ZCCHC7: variants seen among roughly 807,000 people sequenced by gnomAD.
ZCCHC7 encodes zinc finger CCHC-type containing 7, also known as zinc finger CCHC domain-containing protein 7.
ZCCHC7 carries 35 observed loss-of-function variants against 52.0 expected under a neutral mutation model. That is an observed-to-expected ratio of 0.67 (90% confidence interval 0.51 to 0.89). The LOEUF (loss-of-function observed/expected upper bound fraction) is 0.89. Among genes scored for constraint, ZCCHC7 ranks in the 40% least tolerant of loss-of-function variants. The pLI is 0.00. For missense variants in ZCCHC7, 574 were observed against 649.1 expected (o/e 0.88, Z 1.26); for synonymous variants, 217 against 221.5 (o/e 0.98, Z 0.18).
At chr9:37,349,475 C>T in intron 7 of ZCCHC7, 23 bp downstream of exon 7, 3 of 1,604,518 alleles carry the variant, frequency 1.9e-6, no homozygotes, top group Non-Finnish European at 2.6e-6. Flanking sequence ...GACATTTGGG[C>T]ATGAAGCATT....
chr9:37,243,686 C>T (rs1025976182), intron 2 of ZCCHC7, among the ~76,000 whole-genome samples: 6 of 151,856 alleles, frequency 4.0e-5, no homozygotes, highest in Admixed American at 3.9e-4. Context: ...AGTTAGCATG[C>T]TTTCTTTGCA....
intron 5 of ZCCHC7, among the ~76,000 whole-genome samples, chr9:37,320,878 G>A (rs1313153540): frequency 6.6e-6 from 1 of 151,894 alleles, no homozygotes; most frequent in Non-Finnish European, 1.5e-5. Flanking sequence ...GGAGTTTAAT[G>A]TAGTTAACTA....
At chr9:37,142,137 TAA>T (rs1408077993) in intron 2 of ZCCHC7, among the ~76,000 whole-genome samples, 1 of 151,716 alleles carries the variant, frequency 6.6e-6, no homozygotes, top group Non-Finnish European at 1.5e-5. Flanking sequence ...CATAAAATAA[TAA>T]AGAGATCCTT....
At chr9:37,164,773 C>T (rs1821327489) in intron 2 of ZCCHC7, among the ~76,000 whole-genome samples, 1 of 152,058 alleles carries the variant, frequency 6.6e-6, no homozygotes, top group African/African-American at 2.4e-5. Flanking sequence ...ACTCTGTGGT[C>T]CAGGCTGGTC....
intron 2 of ZCCHC7, among the ~76,000 whole-genome samples, chr9:37,169,020 T>A (rs549793203): frequency 1.2e-4 from 19 of 152,342 alleles, no homozygotes; most frequent in Admixed American, 5.2e-4. Flanking sequence ...CTGCCGTTTG[T>A]GTAGCAATTC....
At chr9:37,338,600 G>T (rs1473751140) in intron 6 of ZCCHC7, among the ~76,000 whole-genome samples, 1 of 152,060 alleles carries the variant, frequency 6.6e-6, no homozygotes, top group Non-Finnish European at 1.5e-5. Context: ...AGCAACACAC[G>T]TTATTCTGCA....
chr9:37,141,786 A>G (rs1843237045), intron 2 of ZCCHC7, among the ~76,000 whole-genome samples: 2 of 151,904 alleles, frequency 1.3e-5, no homozygotes, highest in African/African-American at 4.8e-5. Flanking sequence ...GCATATGAAC[A>G]TGCCTTTGAC....
At chr9:37,120,682 C>A in intron 1 of ZCCHC7, 59 bp downstream of exon 1, 1 of 379,642 alleles carries the variant, frequency 2.6e-6, no homozygotes, top group Non-Finnish European at 4.7e-6. Context: ...GCCTACCCTC[C>A]TTCTTGCCCG....
intron 2 of ZCCHC7, among the ~76,000 whole-genome samples, chr9:37,272,703 CT>C (rs1264497492): frequency 6.6e-6 from 1 of 152,094 alleles, no homozygotes; most frequent in Non-Finnish European, 1.5e-5. Flanking sequence ...GTTCTTCATA[CT>C]TTTACTGTAT....
intron 2 of ZCCHC7, among the ~76,000 whole-genome samples, chr9:37,233,917 G>T (rs551756820): frequency 1.3e-5 from 2 of 152,248 alleles, no homozygotes; most frequent in South Asian, 2.1e-4. Flanking sequence ...GCAGTGGCAC[G>T]ATCTCGGCTC....
chr9:37,231,146 A>G (rs928045852), intron 2 of ZCCHC7, among the ~76,000 whole-genome samples: 1 of 152,140 alleles, frequency 6.6e-6, no homozygotes, highest in Admixed American at 6.5e-5. Context: ...GGGTTTTGCC[A>G]TGTTGGCCAG....
At chr9:37,242,214 T>C (rs1268554892) in intron 2 of ZCCHC7, among the ~76,000 whole-genome samples, 1 of 151,804 alleles carries the variant, frequency 6.6e-6, no homozygotes, top group Non-Finnish European at 1.5e-5. Flanking sequence ...TTAAAATGTT[T>C]TGGTATAATC....
intron 2 of ZCCHC7, among the ~76,000 whole-genome samples, chr9:37,254,124 T>A (rs554630187): frequency 6.6e-6 from 1 of 152,176 alleles, no homozygotes; most frequent in South Asian, 2.1e-4. Flanking sequence ...TTCAGGTATA[T>A]GGCAGTTATG....
intron 2 of ZCCHC7, among the ~76,000 whole-genome samples, chr9:37,227,021 T>A (rs1311331473): frequency 1.7e-5 from 2 of 115,098 alleles, no homozygotes; most frequent in Admixed American, 1.8e-4. Context: ...AGAGCGAGAC[T>A]CCGTCTCAAA....
intron 2 of ZCCHC7, among the ~76,000 whole-genome samples, chr9:37,199,301 T>C (rs1461521364): frequency 6.6e-6 from 1 of 151,722 alleles, no homozygotes; most frequent in Admixed American, 6.6e-5. Flanking sequence ...TTCTACTGTT[T>C]CTTTTTCTTT....
chr9:37,301,848 G>A (rs1829043976), intron 2 of ZCCHC7, among the ~76,000 whole-genome samples: 1 of 152,016 alleles, frequency 6.6e-6, no homozygotes, highest in South Asian at 2.1e-4. Flanking sequence ...GTATTTTTGG[G>A]CCCTTCACTG....
At chr9:37,224,484 A>G (rs537093370) in intron 2 of ZCCHC7, among the ~76,000 whole-genome samples, 3 of 152,332 alleles carry the variant, frequency 2.0e-5, no homozygotes, top group Non-Finnish European at 2.9e-5. Context: ...GCTTCAAACT[A>G]GAAAAGCAGT....
At chr9:37,126,068 CTG>C (rs1842525759) in intron 1 of ZCCHC7, among the ~76,000 whole-genome samples, 1 of 152,116 alleles carries the variant, frequency 6.6e-6, no homozygotes, top group East Asian at 1.9e-4. Context: ...AGAGTGTTGA[CTG>C]TGTTTCCATC....
chr9:37,356,917 A>G lies in ZCCHC7; in HGVS notation c.1281A>G (p.Ile427Met), dbSNP rs898084633. The change falls in exon 9 of 9, where the codon ATA becomes ATG. Residue 427 changes from isoleucine to methionine, a missense_variant. Ile to Met is a conservative substitution (Grantham distance 10, BLOSUM62 1). This residue lies in a region of ZCCHC7 where 168 missense variants were observed against 171.6 expected (regional missense o/e 0.98). Transcript: ENST00000336755. ...KAANENPHHDIRKGRASWKSN... is the reference protein window; with the variant it reads ...KAANENPHHDMRKGRASWKSN... ...CAAATGAGAACCCCCACCATGATAT[A>G]AGGAAGGGCCGTGCCTCATGGAAAA... 1.1e-5 allele frequency: 18 copies of G among 1,613,864 alleles called. No individual in the cohort carries two copies. The highest frequency in any genetic ancestry group is 2.2e-5 in the East Asian group (1 of 44,852).
Sources: gnomAD v4.1 joint callset for allele counts (sites outside exome capture counted in the v4.1 genomes callset) on GRCh38, gnomAD v4.1.1 for gene constraint, gnomAD v4.1.1 regional missense constraint, MANE v1.5 for transcripts, NCBI Gene and HGNC (gene_info 2026-07-23, HGNC 2026-07-21) for gene names.